IQGAP2: variants seen among roughly 807,000 people sequenced by gnomAD.
IQGAP2 encodes the protein IQ motif containing GTPase activating protein 2.
IQGAP2 carries 173 observed loss-of-function variants against 201.3 expected under a neutral mutation model. The ratio of observed to expected loss-of-function variants is 0.86; its 90% confidence interval spans 0.76 to 0.98. The LOEUF (loss-of-function observed/expected upper bound fraction) is 0.98. Ranked by LOEUF, IQGAP2 falls within the 50% of genes least tolerant of loss-of-function variation. The probability of loss-of-function intolerance (pLI) is 0.00; values close to 1 mark genes in which losing one functional copy is unlikely to be tolerated. For missense variants in IQGAP2, 1,687 were observed against 1,864.8 expected, an observed-to-expected ratio of 0.90 and a Z score of 1.76; for synonymous variants, 675 against 673.9, an observed-to-expected ratio of 1.00 and a Z score of -0.03.
Position 76,609,257 on chromosome 5 carries a change from G to A in IQGAP2, c.1358-1763G>A, listed in dbSNP as rs1748063884. The A allele has an allele frequency of 2.0e-6, 3 of 1,535,064 alleles. No homozygotes were observed. In the African/African-American group the frequency reaches 4.1e-5, roughly 21 times the overall value. Reference sequence around the variant, plus strand: ...TATTTAGAACAGCTTACCCAAGGGGGGTGACCAGAGAATGGCACTAAATAT... The same window carrying A: ...TATTTAGAACAGCTTACCCAAGGGGAGTGACCAGAGAATGGCACTAAATAT... On this transcript the variant is annotated intron_variant, in intron 12 of 35. Transcript: ENST00000274364.
intron 13 of IQGAP2, among the ~76,000 whole-genome samples, chr5:76,626,816 G>A (rs557724605): frequency 6.6e-6 from 1 of 152,130 alleles, no homozygotes; most frequent in East Asian, 1.9e-4. Context: ...TTTGGAGTAG[G>A]TAGCATTTGA....
intron 2 of IQGAP2, among the ~76,000 whole-genome samples, chr5:76,504,257 C>T (rs565146689): frequency 2.6e-4 from 40 of 152,290 alleles, no homozygotes; most frequent in African/African-American, 9.4e-4. Flanking sequence ...CACCTCTTGT[C>T]CTGGTGGTGA....
chr5:76,569,081 C>A (rs779257026), intron 3 of IQGAP2, among the ~76,000 whole-genome samples: 1 of 152,156 alleles, frequency 6.6e-6, no homozygotes, highest in Non-Finnish European at 1.5e-5. Flanking sequence ...TCCTTCTTCC[C>A]TTCCTTCAAC....
chr5:76,440,434 A>G (rs1752960753), intron 1 of IQGAP2, among the ~76,000 whole-genome samples: 1 of 152,178 alleles, frequency 6.6e-6, no homozygotes, highest in Admixed American at 6.5e-5. Flanking sequence ...AATTGAGTTG[A>G]AGGACATTCC....
rs139494959 is a variant in IQGAP2 at position 76,677,423 on chromosome 5, T to A, written c.3660+73T>A. The A allele has an allele frequency of 3.0e-4, 430 of 1,426,280 alleles. 4 individuals carry two copies. The East Asian group carries it at 6.6e-3, about 22-fold the overall frequency. The allele number at this position is 1,426,280 out of a possible 1,614,324, so 88.4% of individuals were successfully genotyped here. On this transcript the variant is annotated intron_variant, in intron 28 of 35. Coordinates refer to ENST00000274364, the MANE Select transcript of IQGAP2 (RefSeq NM_006633.5). ...CATCTGTTATCTTGAAAATGCTTAA[T>A]CTCTACAGGACTTATTGTACACATG...
chr5:76,571,840 TA>T (rs1745137105), intron 4 of IQGAP2, among the ~76,000 whole-genome samples: 1 of 152,238 alleles, frequency 6.6e-6, no homozygotes, highest in South Asian at 2.1e-4. Context: ...TGTATTAGTG[TA>T]AACTAGACTA....
chr5:76,668,738 A>G lies in IQGAP2; in HGVS notation c.2737A>G (p.Lys913Glu), dbSNP rs1744022494. The change falls in exon 23 of 36, where the codon AAA becomes GAA. Residue 913 changes from lysine to glutamate, a missense_variant. Physicochemically the swap from Lys to Glu is moderately conservative, Grantham distance 56. Transcript: ENST00000274364. ...IFQMPQNKSTKFMDTVIFTLY... is the reference protein window; with the variant it reads ...IFQMPQNKSTEFMDTVIFTLY... ...CCAGATGCCACAGAACAAGTCCACTAAATTTATGGATACTGTTATTTTCAC... is the reference window on the plus strand; with the variant it reads ...CCAGATGCCACAGAACAAGTCCACTGAATTTATGGATACTGTTATTTTCAC... 1.2e-6 allele frequency: 2 copies of G among 1,612,052 alleles called. No homozygotes were observed. The highest frequency in any genetic ancestry group is 1.7e-6 in the Non-Finnish European group (2 of 1,178,766).
Position 76,707,708 on chromosome 5 carries a change from A to G in IQGAP2, c.*395A>G, listed in dbSNP as rs996847058. 6.3e-6 allele frequency: 1 copy of G among 158,182 alleles called. No individual in the cohort carries two copies. Among genetic ancestry groups the G allele is most frequent in the African/African-American group, 2.4e-5 (1 of 41,562 alleles). The allele number at this position is 158,182 out of a possible 1,614,324, so 9.8% of individuals were successfully genotyped here. A position where few individuals can be genotyped will look rare whatever the true frequency, so the allele number is the denominator to read the frequency against. On this transcript the variant is annotated 3_prime_UTR_variant, in exon 36 of 36. Coordinates refer to ENST00000274364, the MANE Select transcript of IQGAP2 (RefSeq NM_006633.5). Reference sequence around the variant, plus strand: ...TAATTCTTCATAGTTTTTTTAATCTATGGATAAATGGAAACCTAATTATTT... The same window carrying G: ...TAATTCTTCATAGTTTTTTTAATCTGTGGATAAATGGAAACCTAATTATTT...
intron 1 of IQGAP2, chr5:76,404,331 G>A: frequency 2.9e-6 from 1 of 342,620 alleles, no homozygotes; most frequent in Non-Finnish European, 4.1e-6. Flanking sequence ...TGCTTTGGCC[G>A]ATCGTGAGTG....
At chr5:76,654,308 T>TAAATGATA (rs756081957) in intron 19 of IQGAP2, 37 bp downstream of exon 19, 3 of 1,326,576 alleles carry the variant, frequency 2.3e-6, no homozygotes, top group Admixed American at 1.8e-5. Flanking sequence ...TCCAGGTTGA[T>TAAATGATA]AATGACCTAA....
At chr5:76,702,983 C>T (rs1747544632) in intron 35 of IQGAP2, among the ~76,000 whole-genome samples, 1 of 125,848 alleles carries the variant, frequency 7.9e-6, no homozygotes, top group African/African-American at 3.1e-5. Flanking sequence ...TTCCCTCTCT[C>T]CTAGAATGGT....
At chr5:76,538,226 C>T (rs933982527) in intron 2 of IQGAP2, among the ~76,000 whole-genome samples, 22 of 152,260 alleles carry the variant, frequency 1.4e-4, no homozygotes, top group East Asian at 1.9e-4. Flanking sequence ...TTTGCTGTCA[C>T]GAGAACAGCA....
intron 13 of IQGAP2, among the ~76,000 whole-genome samples, chr5:76,625,883 C>G (rs17567744): frequency 2.1e-3 from 325 of 152,190 alleles, no homozygotes; most frequent in Non-Finnish European, 3.4e-3. Flanking sequence ...TAAAATGTTC[C>G]CATTTGTTAA....
intron 21 of IQGAP2, among the ~76,000 whole-genome samples, chr5:76,664,264 A>G (rs1317188208): frequency 6.6e-6 from 1 of 152,188 alleles, no homozygotes; most frequent in Non-Finnish European, 1.5e-5. Context: ...TGTCTCAGGA[A>G]ATAGGGGGCC....
chr5:76,425,382 A>G (rs1220869719), intron 1 of IQGAP2, among the ~76,000 whole-genome samples: 1 of 152,208 alleles, frequency 6.6e-6, no homozygotes, highest in Admixed American at 6.5e-5. Flanking sequence ...CTGAATAGCA[A>G]ACAGCTGTTA....
chr5:76,487,494 T>C (rs1244790123), intron 2 of IQGAP2, among the ~76,000 whole-genome samples: 2 of 152,214 alleles, frequency 1.3e-5, no homozygotes, highest in African/African-American at 4.8e-5. Flanking sequence ...TATTATTTAT[T>C]AATTGAAGTT....
chr5:76,524,458 TC>T (rs1291189922), intron 2 of IQGAP2, among the ~76,000 whole-genome samples: 1 of 152,170 alleles, frequency 6.6e-6, no homozygotes, highest in Non-Finnish European at 1.5e-5. Flanking sequence ...TTAGTACCGA[TC>T]CGATCCAGTG....
chr5:76,638,707 C>A (rs999742062), intron 16 of IQGAP2, among the ~76,000 whole-genome samples: 1 of 152,158 alleles, frequency 6.6e-6, no homozygotes, highest in Non-Finnish European at 1.5e-5. Flanking sequence ...GAGAGGAGCA[C>A]TTTGACAATA....
At position 76,677,314 on chromosome 5, in the gene IQGAP2, T is replaced by A; in HGVS notation, c.3624T>A (p.Ile1208=). The change falls in exon 28 of 36, where the codon ATT becomes ATA. Residue 1208 remains isoleucine (I), a synonymous_variant. Coordinates refer to ENST00000274364, the MANE Select transcript of IQGAP2 (RefSeq NM_006633.5). ...TGGTGACAGTCAGCAAACCAGTCAT[T>A]TATATTTCAATTGAAGAAATCATCA... is the stretch of plus-strand genomic sequence containing the variant. ...TDLVTVSKPV[I]YISIEEIIST... is the part of the protein sequence containing the mutation. 6.2e-7 allele frequency: 1 copy of A among 1,613,978 alleles called. No individual in the cohort carries two copies. The highest frequency in any genetic ancestry group is 8.5e-7 in the Non-Finnish European group (1 of 1,179,952).
Sources: allele counts gnomAD v4.1 joint callset (sites outside exome capture counted in the v4.1 genomes callset), GRCh38; gene constraint gnomAD v4.1.1; transcripts MANE v1.5; gene names NCBI Gene and HGNC (gene_info 2026-07-23, HGNC 2026-07-21).